The following FNTA variants were observed in gnomAD, a reference collection of about 807,000 sequenced individuals.
The protein encoded by FNTA is protein farnesyltransferase/geranylgeranyltransferase type-1 subunit alpha.
FNTA carries 27 observed loss-of-function variants against 55.2 expected under a neutral mutation model. The observed-to-expected ratio is 0.49, with a 90% CI of 0.36 to 0.67. The LOEUF (loss-of-function observed/expected upper bound fraction) is 0.67. Ranked by LOEUF, FNTA falls within the 30% of genes least tolerant of loss-of-function variation. The pLI, the probability that FNTA is intolerant of heterozygous loss-of-function variation, is 0.00. For synonymous variants in FNTA, 176 were observed against 170.7 expected (o/e 1.03, Z -0.24); for missense variants, 422 against 464.7 (o/e 0.91, Z 0.85).
At chr8:43,073,856 C>G (rs889428255) in intron 5 of FNTA, among the ~76,000 whole-genome samples, 3 of 152,098 alleles carry the variant, frequency 2.0e-5, no homozygotes, top group Non-Finnish European at 4.4e-5. Context: ...CCCATACTTT[C>G]AGTAGTGTCA....
At chr8:43,060,414 C>T (rs1810503496) in intron 2 of FNTA, among the ~76,000 whole-genome samples, 1 of 152,150 alleles carries the variant, frequency 6.6e-6, no homozygotes, top group Admixed American at 6.5e-5. Context: ...GTGGCTCACG[C>T]CTGTAATCCC....
chr8:43,079,635 C>T (rs2130570348), intron 6 of FNTA: 1 of 152,370 alleles, frequency 6.6e-6, no homozygotes, highest in Non-Finnish European at 1.5e-5. Context: ...AACACAACAT[C>T]CATTCTGCAG....
intron 3 of FNTA, among the ~76,000 whole-genome samples, chr8:43,068,562 G>A (rs773153878): frequency 2.0e-5 from 3 of 152,168 alleles, no homozygotes; most frequent in East Asian, 3.8e-4. Context: ...CACGAACAAC[G>A]TGTACTGTGT....
At position 43,083,131 on chromosome 8, in the gene FNTA, A is replaced by G. The variant is rs1811057678; in HGVS notation, c.796A>G (p.Met266Val). ...TTTTTCTTGCAGATACACTCTGGAA[A>G]TGATTAAACTAGTACCACATAATGA... Reference protein sequence around the residue: ...LEREVQYTLEMIKLVPHNESA... With the variant: ...LEREVQYTLEVIKLVPHNESA... Residue 266 changes from methionine (M) to valine (V), a missense_variant, in exon 7 of 9, where the codon ATG becomes GTG. By Grantham distance (21) the Met-to-Val change is conservative. Transcript: ENST00000302279. 1 of 1,581,370 alleles carries G rather than the reference A, an allele frequency of 6.3e-7. No individual in the cohort carries two copies. The highest frequency in any genetic ancestry group is 1.1e-5 in the South Asian group (1 of 87,066).
intron 5 of FNTA, 144 bp from the exon 6 acceptor site, chr8:43,077,072 T>G: frequency 2.0e-6 from 1 of 502,144 alleles, no homozygotes; most frequent in East Asian, 3.2e-5. Flanking sequence ...CTATTTCCTT[T>G]ACTTGCAGCT....
chr8:43,067,775 G>A (rs1315568054), intron 3 of FNTA, among the ~76,000 whole-genome samples: 1 of 151,320 alleles, frequency 6.6e-6, no homozygotes, highest in Non-Finnish European at 1.5e-5. Flanking sequence ...GCTGGAGTAC[G>A]GTGACGTGAT....
At chr8:43,084,473 C>G (rs2130576848) in intron 7 of FNTA, among the ~76,000 whole-genome samples, 1 of 152,136 alleles carries the variant, frequency 6.6e-6, no homozygotes, top group East Asian at 1.9e-4. Context: ...CCTCCTGCCT[C>G]TGTTTCCCAG....
In FNTA at chr8:43,084,899, A is replaced by C. The variant is rs1156253310; in HGVS notation, c.1017+18A>C. On this transcript the variant is annotated intron_variant, in intron 8 of 8. Transcript: ENST00000302279. ...CATTAGAGGTAAGCTGGTGGGGCTC[A>C]GTGCTGTCATTTTTGGTATCTCAGA... 1 of 1,608,188 alleles carries C rather than the reference A, an allele frequency of 6.2e-7. No homozygotes were observed. The highest frequency in any genetic ancestry group is 2.2e-5 in the East Asian group (1 of 44,854).
At chr8:43,084,498 A>G (rs1811087810) in intron 7 of FNTA, 4 of 418,734 alleles carry the variant, frequency 9.6e-6, no homozygotes, top group Non-Finnish European at 1.7e-5. Context: ...TTTCCCAGGC[A>G]TGAGCCACTG....
intron 2 of FNTA, among the ~76,000 whole-genome samples, chr8:43,062,945 C>T (rs1403698811): frequency 6.6e-6 from 1 of 152,092 alleles, no homozygotes; most frequent in Non-Finnish European, 1.5e-5. Flanking sequence ...GTAAATGACC[C>T]CTTTCTGTTT....
chr8:43,072,582 C>T (rs1344272795), intron 5 of FNTA, among the ~76,000 whole-genome samples: 1 of 151,972 alleles, frequency 6.6e-6, no homozygotes, highest in Non-Finnish European at 1.5e-5. Context: ...CAAAAATTAG[C>T]CATGCATGGT....
chr8:43,075,858 ATTTCT>A (rs898623235), intron 5 of FNTA, among the ~76,000 whole-genome samples: 8 of 150,608 alleles, frequency 5.3e-5, no homozygotes, highest in South Asian at 2.1e-4. Context: ...AATTGTGTAT[ATTTCT>A]TTTCTTTTTC....
intron 3 of FNTA, among the ~76,000 whole-genome samples, chr8:43,065,213 A>G (rs1239557032): frequency 6.7e-6 from 1 of 149,266 alleles, no homozygotes. Flanking sequence ...ACAAATGAGC[A>G]CTCAATTTAT....
intron 4 of FNTA, among the ~76,000 whole-genome samples, chr8:43,071,875 T>C (rs1175342375): frequency 1.3e-5 from 2 of 152,202 alleles, no homozygotes; most frequent in African/African-American, 2.4e-5. Context: ...GAGGAACTTA[T>C]ATATTTGATA....
At chr8:43,061,371 T>G (rs947542464) in intron 2 of FNTA, among the ~76,000 whole-genome samples, 2 of 152,238 alleles carry the variant, frequency 1.3e-5, no homozygotes, top group Non-Finnish European at 2.9e-5. Flanking sequence ...GACAAGTTAT[T>G]TAACTCCTAT....
intron 2 of FNTA, among the ~76,000 whole-genome samples, chr8:43,059,689 ATTG>A (rs1468881042): frequency 2.0e-5 from 3 of 152,154 alleles, no homozygotes; most frequent in Non-Finnish European, 4.4e-5. Flanking sequence ...GGAAATGTTA[ATTG>A]TTAGTTCTTC....
At chr8:43,072,007 AATTTTTT>A (rs1810804218) in intron 4 of FNTA, among the ~76,000 whole-genome samples, 167 bp from the exon 5 acceptor site, 2 of 152,112 alleles carry the variant, frequency 1.3e-5, no homozygotes, top group Non-Finnish European at 2.9e-5. Context: ...AAACTATCTG[AATTTTTT>A]TTCTATTTTT....
intron 3 of FNTA, among the ~76,000 whole-genome samples, chr8:43,065,273 G>A (rs1200647204): frequency 2.0e-5 from 3 of 151,202 alleles, no homozygotes; most frequent in African/African-American, 7.3e-5. Context: ...TTGAGATGGA[G>A]TTTCGCTCTT....
chr8:43,062,008 C>T (rs565366490), intron 2 of FNTA, among the ~76,000 whole-genome samples: 80 of 152,048 alleles, frequency 5.3e-4, no homozygotes, highest in African/African-American at 1.8e-3. Flanking sequence ...CGTGAGCTAC[C>T]GCGCCTGGTC....
Sources: allele counts gnomAD v4.1 joint callset (sites outside exome capture counted in the v4.1 genomes callset), GRCh38; gene constraint gnomAD v4.1.1; transcripts MANE v1.5; gene names NCBI Gene and HGNC (gene_info 2026-07-23, HGNC 2026-07-21).